COL24A1: variants seen among roughly 807,000 people sequenced by gnomAD.
COL24A1 encodes collagen alpha-1(XXIV) chain.
A neutral mutation model predicts 253.9 loss-of-function variants in COL24A1; 224 were observed. The observed-to-expected ratio is 0.88, with a 90% confidence interval of 0.79 to 0.99. The LOEUF (loss-of-function observed/expected upper bound fraction) is 0.99, where lower values mean the gene tolerates loss of function less well. COL24A1 is among the 50% of genes least tolerant of loss of function. The pLI is 0.00. For synonymous variants in COL24A1, 685 were observed against 673.7 expected (o/e 1.02, Z -0.26); for missense variants, 2,131 against 2,068.5 (o/e 1.03, Z -0.59).
chr1:86,094,690 T>C (rs888654828), intron 5 of COL24A1, among the ~76,000 whole-genome samples: 1 of 152,004 alleles, frequency 6.6e-6, no homozygotes, highest in Non-Finnish European at 1.5e-5. Context: ...TAGCCATCAC[T>C]GTTTGCTCCA....
At chr1:85,747,045 A>G (rs1015088345) in intron 55 of COL24A1, among the ~76,000 whole-genome samples, 1 of 151,736 alleles carries the variant, frequency 6.6e-6, no homozygotes. Flanking sequence ...CACTTTTAAT[A>G]AAGGATTCCT....
chr1:86,050,145 T>C lies in COL24A1; in HGVS notation c.1884A>G (p.Gln628=), dbSNP rs200476218. The change falls in exon 11 of 60, where the codon CAA becomes CAG. Residue 628 remains glutamine (Q), a synonymous_variant. Transcript: ENST00000370571. ...TTACCCGTTCTCCTTCAGGTCCCAG[T>C]TGTCCCGCTTCTCCAGGAGAGCCAA... is the stretch of plus-strand genomic sequence containing the variant. ...GFIGSPGEAG[Q]LGPEGERGIP... 5 of 1,613,480 alleles carry C rather than the reference T, an allele frequency of 3.1e-6. No homozygotes were observed. The East Asian group carries it at 1.1e-4, about 36-fold the overall frequency.
In COL24A1 at chr1:86,124,826, T is replaced by TAAAA; in HGVS notation, c.1491+15_1491+18dup. 2.3e-6 allele frequency: 3 copies of TAAAA among 1,299,946 alleles called. No homozygotes were observed. The highest frequency in any genetic ancestry group is 5.2e-5 in the Admixed American group (2 of 38,218). The allele number at this position is 1,299,946 out of a possible 1,614,324, so 80.5% of individuals were successfully genotyped here. ...TGTAAGTTAGCATATTAGGAGATAT[T>TAAAA]AAAAAAAAAAAAACTTACGGGAGGT... is the stretch of plus-strand genomic sequence containing the variant. On this transcript the variant is annotated intron_variant, in intron 3 of 59. Coordinates refer to ENST00000370571, the MANE Select transcript of COL24A1 (RefSeq NM_152890.7).
chr1:85,914,719 C>T (rs528994639), intron 24 of COL24A1, among the ~76,000 whole-genome samples: 17 of 152,120 alleles, frequency 1.1e-4, no homozygotes, highest in Non-Finnish European at 1.8e-4. Flanking sequence ...TAACATAAGA[C>T]GTATTGACCT....
chr1:85,745,465 T>C lies in COL24A1; in HGVS notation c.4479A>G (p.Glu1493=). The C allele has an allele frequency of 6.2e-7, 1 of 1,610,406 alleles. No homozygotes were observed. Among genetic ancestry groups the C allele is most frequent in the Non-Finnish European group, 8.5e-7 (1 of 1,178,484 alleles). The change falls in exon 56 of 60, where the codon GAA becomes GAG. Residue 1493 remains glutamate, a synonymous_variant. Coordinates refer to ENST00000370571, the MANE Select transcript of COL24A1 (RefSeq NM_152890.7). ...DINAAIQALI[E]SNTALQMESY... Reference sequence around the variant, plus strand: ...CCTCCATCTGTAGGGCAGTATTTGATTCAATCAAGGCTTGAATAGCAGCAT... The same window carrying C: ...CCTCCATCTGTAGGGCAGTATTTGACTCAATCAAGGCTTGAATAGCAGCAT...
chr1:86,098,851 C>T (rs1704215239), intron 5 of COL24A1, among the ~76,000 whole-genome samples: 1 of 152,108 alleles, frequency 6.6e-6, no homozygotes, highest in African/African-American at 2.4e-5. Flanking sequence ...AACATCTCTT[C>T]AACGTATCAT....
In COL24A1 at chr1:85,914,814, G is replaced by T. The variant is rs1685733760; in HGVS notation, c.2563-3381C>A. 2.0e-5 allele frequency among the ~76,000 whole-genome samples: 3 copies of T among 152,138 alleles called. No individual in the cohort carries two copies. In the South Asian group the frequency reaches 6.2e-4, roughly 31 times the overall value. On this transcript the variant is annotated intron_variant, in intron 24 of 59. Coordinates refer to ENST00000370571, the MANE Select transcript of COL24A1 (RefSeq NM_152890.7). ...AGGAGAAGAGTAAACATCACTCAAG[G>T]ACTTTACATCCTCTTCTGGAAAAGA...
chr1:85,972,715 G>T (rs1334652239), intron 20 of COL24A1, among the ~76,000 whole-genome samples: 1 of 152,202 alleles, frequency 6.6e-6, no homozygotes, highest in Non-Finnish European at 1.5e-5. Flanking sequence ...AAGTCAGTCA[G>T]TATATTGTGC....
At chr1:85,783,445 C>T (rs762845018) in intron 51 of COL24A1, 51 bp downstream of exon 51, 2 of 1,475,774 alleles carry the variant, frequency 1.4e-6, no homozygotes. Flanking sequence ...TTAAGCCCTG[C>T]AGTAAGCAAA....
intron 37 of COL24A1, among the ~76,000 whole-genome samples, chr1:85,859,764 T>C (rs529162265): frequency 6.6e-6 from 1 of 152,308 alleles, no homozygotes; most frequent in Non-Finnish European, 1.5e-5. Context: ...GCAGGGCATA[T>C]AGGAAAAATA....
At chr1:85,845,393 T>G (rs922701731) in intron 39 of COL24A1, among the ~76,000 whole-genome samples, 1 of 151,878 alleles carries the variant, frequency 6.6e-6, no homozygotes, top group South Asian at 2.1e-4. Flanking sequence ...AAAACTCTCA[T>G]TTAAGAATGA....
At chr1:85,784,435 C>G in intron 48 of COL24A1, 69 bp from the exon 49 acceptor site, 1 of 1,154,104 alleles carries the variant, frequency 8.7e-7, no homozygotes, top group East Asian at 2.4e-5. Context: ...TTGAATGAAA[C>G]CCAAATACAG....
chr1:85,768,226 G>A (rs1558046761), intron 53 of COL24A1, among the ~76,000 whole-genome samples: 1 of 151,754 alleles, frequency 6.6e-6, no homozygotes, highest in Admixed American at 6.6e-5. Context: ...TGGTACATCA[G>A]GACACTGGAG....
chr1:85,782,552 T>C (rs966447769), intron 51 of COL24A1, among the ~76,000 whole-genome samples: 1 of 152,214 alleles, frequency 6.6e-6, no homozygotes. Context: ...TGTAGGGACA[T>C]GGATGAAGCT....
intron 12 of COL24A1, among the ~76,000 whole-genome samples, chr1:86,043,071 C>T (rs936527898): frequency 6.6e-6 from 1 of 151,998 alleles, no homozygotes; most frequent in Non-Finnish European, 1.5e-5. Context: ...ATACATAAAA[C>T]AGAAAGTCAA....
chr1:86,032,513 A>T (rs961090543), intron 13 of COL24A1, among the ~76,000 whole-genome samples: 1 of 152,104 alleles, frequency 6.6e-6, no homozygotes, highest in Non-Finnish European at 1.5e-5. Context: ...CATGATCATT[A>T]TTAATTTTTC....
At chr1:86,103,411 C>T (rs773700467) in intron 5 of COL24A1, among the ~76,000 whole-genome samples, 5 of 152,164 alleles carry the variant, frequency 3.3e-5, no homozygotes, top group Non-Finnish European at 5.9e-5. Context: ...GGATTTGATA[C>T]TGTCTTCATG....
chr1:86,058,541 T>A (rs999427829), intron 9 of COL24A1, among the ~76,000 whole-genome samples: 1 of 151,440 alleles, frequency 6.6e-6, no homozygotes, highest in African/African-American at 2.4e-5. Context: ...TTTATACATT[T>A]AATTAATTTT....
At chr1:85,861,286 T>C (rs1679118306) in intron 37 of COL24A1, among the ~76,000 whole-genome samples, 2 of 152,196 alleles carry the variant, frequency 1.3e-5, no homozygotes, top group African/African-American at 4.8e-5. Flanking sequence ...TCTTTGGAGA[T>C]ATTTAAGTCT....
Sources: allele counts gnomAD v4.1 joint callset (sites outside exome capture counted in the v4.1 genomes callset), GRCh38; gene constraint gnomAD v4.1.1; transcripts MANE v1.5; gene names NCBI Gene and HGNC (gene_info 2026-07-23, HGNC 2026-07-21).